The following AUTS2 variants were observed in gnomAD, a reference collection of about 807,000 sequenced individuals.
AUTS2 encodes the protein activator of transcription and developmental regulator AUTS2, also known as autism susceptibility gene 2 protein.
AUTS2 carries 17 observed loss-of-function variants against 112.4 expected under a neutral mutation model. The observed-to-expected ratio is 0.15, with a 90% CI of 0.10 to 0.23. The LOEUF is 0.23. Among genes scored for constraint, AUTS2 ranks in the 10% least tolerant of loss-of-function variants. The pLI is 1.00. For missense variants in AUTS2, 1,510 were observed against 1,701.6 expected (o/e 0.89, Z 1.98); for synonymous variants, 751 against 702.7 (o/e 1.07, Z -1.09).
At chr7:70,770,933 C>A (rs1563186870) in intron 10 of AUTS2, among the ~76,000 whole-genome samples, 1 of 152,128 alleles carries the variant, frequency 6.6e-6, no homozygotes, top group East Asian at 1.9e-4. Flanking sequence ...TACATCGAGT[C>A]GTTTTATTTT....
intron 1 of AUTS2, among the ~76,000 whole-genome samples, chr7:69,676,023 A>G (rs1796549276): frequency 6.6e-6 from 1 of 152,196 alleles, no homozygotes; most frequent in South Asian, 2.1e-4. Context: ...GAAGACTGAA[A>G]GAGAAGGTAG....
chr7:70,567,982 A>C (rs114028615), intron 5 of AUTS2, among the ~76,000 whole-genome samples: 2 of 152,340 alleles, frequency 1.3e-5, no homozygotes, highest in African/African-American at 4.8e-5. Context: ...CACACACTTT[A>C]GTACCTCTCA....
At chr7:69,972,629 T>C (rs1300525440) in intron 2 of AUTS2, among the ~76,000 whole-genome samples, 2 of 151,908 alleles carry the variant, frequency 1.3e-5, no homozygotes, top group South Asian at 2.1e-4. Flanking sequence ...TTATAAGATA[T>C]GAAACTTAGG....
intron 5 of AUTS2, among the ~76,000 whole-genome samples, chr7:70,669,152 G>A (rs976836972): frequency 2.6e-5 from 4 of 152,198 alleles, no homozygotes; most frequent in African/African-American, 7.2e-5. Flanking sequence ...CCCGAACAGC[G>A]GTCAGAAGTG....
intron 4 of AUTS2, among the ~76,000 whole-genome samples, chr7:70,317,647 T>C (rs1231219336): frequency 1.3e-5 from 2 of 152,172 alleles, no homozygotes; most frequent in African/African-American, 4.8e-5. Flanking sequence ...TTTCCAACCC[T>C]GACAAGCATG....
At chr7:70,186,445 G>T (rs1809609313) in intron 4 of AUTS2, among the ~76,000 whole-genome samples, 1 of 151,924 alleles carries the variant, frequency 6.6e-6, no homozygotes, top group Non-Finnish European at 1.5e-5. Flanking sequence ...TTATATTTTT[G>T]GCTTTTTTTA....
chr7:70,739,174 G>T (rs1012883842), intron 6 of AUTS2, among the ~76,000 whole-genome samples: 3 of 151,406 alleles, frequency 2.0e-5, no homozygotes, highest in African/African-American at 7.3e-5. Flanking sequence ...CCATAGGTGT[G>T]CACCACTATG....
At chr7:69,907,818 A>AT (rs897452926) in intron 2 of AUTS2, among the ~76,000 whole-genome samples, 2 of 152,178 alleles carry the variant, frequency 1.3e-5, no homozygotes, top group African/African-American at 4.8e-5. Flanking sequence ...GAGAGGGTGG[A>AT]TTTTATTGGA....
intron 5 of AUTS2, among the ~76,000 whole-genome samples, chr7:70,471,590 G>A (rs940304332): frequency 2.6e-5 from 4 of 152,116 alleles, no homozygotes; most frequent in African/African-American, 9.6e-5. Context: ...TAGGCGCTGG[G>A]GATATTAATA....
chr7:70,644,796 C>T (rs963754198), intron 5 of AUTS2, among the ~76,000 whole-genome samples: 13 of 152,166 alleles, frequency 8.5e-5, no homozygotes, highest in African/African-American at 3.1e-4. Flanking sequence ...GCTGCATAAC[C>T]CTTGTGGCAT....
chr7:70,491,222 T>C (rs543154863), intron 5 of AUTS2, among the ~76,000 whole-genome samples: 29 of 152,026 alleles, frequency 1.9e-4, no homozygotes, highest in African/African-American at 7.0e-4. Context: ...TATCACACAC[T>C]CTCTCTCTCT....
intron 5 of AUTS2, among the ~76,000 whole-genome samples, chr7:70,600,967 A>G (rs35307540): frequency 0.1 from 15,890 of 152,208 alleles, 1,278 homozygotes; most frequent in African/African-American, 0.21. Flanking sequence ...GTTATTGTGA[A>G]TAATGCTGCT....
At chr7:70,077,583 T>C (rs1367784264) in intron 2 of AUTS2, among the ~76,000 whole-genome samples, 3 of 152,162 alleles carry the variant, frequency 2.0e-5, no homozygotes, top group Non-Finnish European at 2.9e-5. Flanking sequence ...CATCTAAATA[T>C]TGTTCTTTTA....
intron 2 of AUTS2, among the ~76,000 whole-genome samples, chr7:70,048,973 A>G (rs1801625342): frequency 6.6e-6 from 1 of 152,124 alleles, no homozygotes; most frequent in South Asian, 2.1e-4. Flanking sequence ...GTAAGTAGTC[A>G]TGTTTTGTGG....
chr7:69,629,519 T>A (rs1794126658), intron 1 of AUTS2, among the ~76,000 whole-genome samples: 1 of 152,176 alleles, frequency 6.6e-6, no homozygotes, highest in Non-Finnish European at 1.5e-5. Context: ...CAAGCCATAT[T>A]GCTGGGGATA....
chr7:70,752,238 G>A (rs1403187986), intron 6 of AUTS2, among the ~76,000 whole-genome samples: 1 of 152,076 alleles, frequency 6.6e-6, no homozygotes, highest in Non-Finnish European at 1.5e-5. Flanking sequence ...AATAAATATT[G>A]AGGCTGGCAG....
chr7:70,171,677 A>G (rs1433738062), intron 4 of AUTS2, among the ~76,000 whole-genome samples: 1 of 152,230 alleles, frequency 6.6e-6, no homozygotes, highest in Non-Finnish European at 1.5e-5. Context: ...TGAAAAGCAG[A>G]CAGAAAGGTA....
At chr7:70,224,912 T>C (rs1050070089) in intron 4 of AUTS2, among the ~76,000 whole-genome samples, 4 of 152,252 alleles carry the variant, frequency 2.6e-5, no homozygotes, top group Non-Finnish European at 4.4e-5. Flanking sequence ...GGTTATGCTA[T>C]GTTGCCTAGG....
intron 2 of AUTS2, among the ~76,000 whole-genome samples, chr7:70,032,181 T>C (rs1014949408): frequency 6.6e-5 from 10 of 152,130 alleles, no homozygotes; most frequent in African/African-American, 2.2e-4. Context: ...ATAAATGTAC[T>C]GTACAATTGA....
Sources: gnomAD v4.1 joint callset for allele counts (sites outside exome capture counted in the v4.1 genomes callset) on GRCh38, gnomAD v4.1.1 for gene constraint, MANE v1.5 for transcripts, NCBI Gene and HGNC (gene_info 2026-07-23, HGNC 2026-07-21) for gene names.